Variants in FHIP1A observed in about 807,000 individuals in gnomAD.
FHIP1A encodes FHF complex subunit HOOK interacting protein 1A, also known as FHF complex subunit HOOK-interacting protein 1A.
FHIP1A carries 61 observed loss-of-function variants against 88.6 expected under a neutral mutation model. That is an observed-to-expected ratio of 0.69 (90% CI 0.56 to 0.85). The LOEUF (loss-of-function observed/expected upper bound fraction) is 0.85, where lower values mean the gene tolerates loss of function less well. Among genes scored for constraint, FHIP1A ranks in the 40% least tolerant of loss-of-function variants. FHIP1A has a pLI of 0.00. For synonymous variants in FHIP1A, 478 were observed against 496.0 expected (o/e 0.96, Z 0.48); for missense variants, 1,154 against 1,273.5 (o/e 0.91, Z 1.43).
chr4:151,412,745 C>T (rs1353309106), intron 1 of FHIP1A, among the ~76,000 whole-genome samples: 7 of 145,276 alleles, frequency 4.8e-5, no homozygotes, highest in South Asian at 4.4e-4. Flanking sequence ...AGTGCAATGG[C>T]GTGATCTCAG....
In FHIP1A at chr4:151,656,978, C is replaced by T. The variant is rs969914249; in HGVS notation, c.2869+80C>T. 19 of 1,348,030 alleles carry T rather than the reference C, an allele frequency of 1.4e-5. No individual in the cohort carries two copies. The African/African-American group carries it at 2.4e-4, about 17-fold the overall frequency. 83.5% of individuals were successfully genotyped at this position (1,348,030 alleles called of 1,614,324 possible). ...GCCTACTGGCCTCAGTTCACAGATG[C>T]TGCACTGGCTTCTGGATCCTAGAAG... is the stretch of plus-strand genomic sequence containing the variant. On this transcript the variant is annotated intron_variant, in intron 13 of 13. Coordinates refer to ENST00000435205, the MANE Select transcript of FHIP1A (RefSeq NM_001109977.3). This position sits in a 1 kb window ranked among gnomAD's most constrained non-coding sequence, Gnocchi z 4.2.
rs1737269287 is a variant in FHIP1A, at chr4:151,656,976, T to C, written c.2869+78T>C. 1.5e-6 allele frequency: 2 copies of C among 1,367,176 alleles called. No individual in the cohort carries two copies. The highest frequency in any genetic ancestry group is 5.2e-5 in the Admixed American group (2 of 38,586). 84.7% of individuals were successfully genotyped at this position (1,367,176 alleles called of 1,614,324 possible). A position where few individuals can be genotyped will look rare whatever the true frequency, so the allele number is the denominator to read the frequency against. On this transcript the variant is annotated intron_variant, in intron 13 of 13. Transcript: ENST00000435205. The surrounding 1 kb of genome is among the most constrained non-coding windows in gnomAD (Gnocchi z 4.2). ...TGGCCTACTGGCCTCAGTTCACAGATGCTGCACTGGCTTCTGGATCCTAGA... is the reference window on the plus strand; with the variant it reads ...TGGCCTACTGGCCTCAGTTCACAGACGCTGCACTGGCTTCTGGATCCTAGA...
intron 3 of FHIP1A, among the ~76,000 whole-genome samples, chr4:151,485,282 G>GTTTTTTTTTTTTTTTTTTTTTTTTTTTT (rs74327398): frequency 8.4e-6 from 1 of 118,728 alleles, no homozygotes; most frequent in Non-Finnish European, 1.7e-5. Flanking sequence ...ATCTTTTCCA[G>GTTTTTTTTTTTTTTTTTTTTTTTTTTTT]TTTTTTTTTT....
chr4:151,624,922 T>C (rs1735896577), intron 7 of FHIP1A, among the ~76,000 whole-genome samples: 2 of 152,328 alleles, frequency 1.3e-5, no homozygotes, highest in South Asian at 2.1e-4. Context: ...TAGAGCTGCT[T>C]GCTGAGAACC....
chr4:151,573,307 CAT>C lies in FHIP1A; in HGVS notation c.106-4142_106-4141del, dbSNP rs535251376. ...ACACACACACACATACACACACACA[CAT>C]GTCTGCGTTTCTTAAAGTTTGTAGA... On this transcript the variant is annotated intron_variant, in intron 4 of 13. Coordinates refer to ENST00000435205, the MANE Select transcript of FHIP1A (RefSeq NM_001109977.3). 4.9e-3 allele frequency among the ~76,000 whole-genome samples: 750 copies of C among 152,096 alleles called. 4 individuals carry two copies. Among genetic ancestry groups the C allele is most frequent in the Middle Eastern group, 0.02 (6 of 294 alleles).
At chr4:151,497,875 G>A (rs1050026396) in intron 3 of FHIP1A, among the ~76,000 whole-genome samples, 9 of 152,250 alleles carry the variant, frequency 5.9e-5, no homozygotes, top group African/African-American at 2.2e-4. Flanking sequence ...CTGCTAAATC[G>A]GTTTGGTGAG....
intron 1 of FHIP1A, among the ~76,000 whole-genome samples, chr4:151,434,966 C>CATATCA (rs1733745231): frequency 6.6e-6 from 1 of 152,030 alleles, no homozygotes; most frequent in Admixed American, 6.6e-5. Flanking sequence ...TTATGACACA[C>CATATCA]ATCTTTTAAA....
chr4:151,615,454 A>T (rs780930311), intron 7 of FHIP1A, among the ~76,000 whole-genome samples: 1 of 152,236 alleles, frequency 6.6e-6, no homozygotes, highest in Non-Finnish European at 1.5e-5. Context: ...ATCTAATACA[A>T]TATTTGGCAC....
intron 1 of FHIP1A, among the ~76,000 whole-genome samples, chr4:151,410,754 A>G (rs1732599559): frequency 6.6e-6 from 1 of 152,182 alleles, no homozygotes; most frequent in Admixed American, 6.5e-5. Context: ...TAGTCCATAA[A>G]TTTACTCTTT....
intron 2 of FHIP1A, among the ~76,000 whole-genome samples, chr4:151,470,880 G>A (rs1045143506): frequency 6.6e-6 from 1 of 152,078 alleles, no homozygotes; most frequent in Non-Finnish European, 1.5e-5. Context: ...TTTGGACTGT[G>A]GCCGTATTGT....
At position 151,466,544 on chromosome 4, in the gene FHIP1A, C is replaced by T. The variant is rs370489105; in HGVS notation, c.-248+11736C>T. 5.5e-4 allele frequency among the ~76,000 whole-genome samples: 84 copies of T among 152,186 alleles called. 1 individual carries two copies. The South Asian group carries it at 0.016, about 29-fold the overall frequency. On this transcript the variant is annotated intron_variant, in intron 2 of 13. Transcript: ENST00000435205. ...CCAAGACAATCCTAAGCAAAAAGAA[C>T]GAAACTGGAGGCATCACACTACCTG...
intron 1 of FHIP1A, among the ~76,000 whole-genome samples, chr4:151,423,014 T>A (rs2126524794): frequency 6.6e-6 from 1 of 152,190 alleles, no homozygotes; most frequent in East Asian, 2.0e-4. Flanking sequence ...GAGTGATCAA[T>A]AACTATTAGT....
At chr4:151,426,021 A>G (rs531816082) in intron 1 of FHIP1A, among the ~76,000 whole-genome samples, 1 of 152,280 alleles carries the variant, frequency 6.6e-6, no homozygotes, top group South Asian at 2.1e-4. Context: ...GGTTCTGGGG[A>G]TTAGGAAGTG....
intron 3 of FHIP1A, among the ~76,000 whole-genome samples, chr4:151,557,193 G>T (rs1732982488): frequency 6.6e-6 from 1 of 152,086 alleles, no homozygotes; most frequent in Admixed American, 6.6e-5. Context: ...GAACTATCTA[G>T]GTTCCTGTTT....
chr4:151,419,253 CCT>C (rs748557834), intron 1 of FHIP1A, among the ~76,000 whole-genome samples: 6 of 150,892 alleles, frequency 4.0e-5, no homozygotes, highest in Non-Finnish European at 7.4e-5. Flanking sequence ...AATTCACTCT[CCT>C]CTCTCTCTCT....
At chr4:151,613,961 G>C (rs371163270) in intron 7 of FHIP1A, among the ~76,000 whole-genome samples, 9 of 151,730 alleles carry the variant, frequency 5.9e-5, no homozygotes, top group Admixed American at 5.2e-4. Context: ...TCAGGAGTTT[G>C]AGACCAGCCT....
At chr4:151,413,656 T>C (rs982760167) in intron 1 of FHIP1A, among the ~76,000 whole-genome samples, 30 of 152,176 alleles carry the variant, frequency 2.0e-4, no homozygotes, top group African/African-American at 6.7e-4. Context: ...GGTTTCACCA[T>C]GTTGGCCAGG....
intron 1 of FHIP1A, among the ~76,000 whole-genome samples, chr4:151,411,279 A>G (rs1354309191): frequency 6.6e-6 from 1 of 151,412 alleles, no homozygotes; most frequent in African/African-American, 2.4e-5. Flanking sequence ...GTACAAATAT[A>G]TTATGTAGAG....
chr4:151,493,951 A>G (rs62327233), intron 3 of FHIP1A, among the ~76,000 whole-genome samples: 1,624 of 152,290 alleles, frequency 0.011, 21 homozygotes, highest in Non-Finnish European at 0.018. Flanking sequence ...TCTATTCAAC[A>G]TAGTACTGAA....
Sources: allele counts gnomAD v4.1 joint callset (sites outside exome capture counted in the v4.1 genomes callset), GRCh38; gene constraint gnomAD v4.1.1; non-coding constraint Gnocchi (gnomAD v3.1); transcripts MANE v1.5; gene names NCBI Gene and HGNC (gene_info 2026-07-23, HGNC 2026-07-21).